The following NREP variants were observed in gnomAD, a reference collection of about 807,000 sequenced individuals.
NREP encodes the protein neuronal regeneration related protein, also known as neuronal regeneration-related protein.
In NREP, 5 loss-of-function variants were observed where a neutral mutation model predicts 8.6. That is an observed-to-expected ratio of 0.58 (90% CI 0.30 to 1.22). NREP has a LOEUF of 1.22. NREP is among the 50% of genes most tolerant of loss of function. NREP has a pLI of 0.07. For missense variants in NREP, 86 were observed against 82.5 expected (o/e 1.04, Z -0.17); for synonymous variants, 27 against 28.0 (o/e 0.96, Z 0.11).
intron 2 of NREP, among the ~76,000 whole-genome samples, chr5:111,834,174 T>C (rs1450566514): frequency 3.9e-5 from 6 of 152,206 alleles, no homozygotes; most frequent in African/African-American, 1.4e-4. Context: ...GCTATTGCCA[T>C]GAGTAATTAA....
intron 2 of NREP, among the ~76,000 whole-genome samples, chr5:111,864,181 A>G (rs1753614589): frequency 6.6e-6 from 1 of 152,286 alleles, no homozygotes; most frequent in East Asian, 1.9e-4. Context: ...TTGTAAGCAC[A>G]AAAGATTGGA....
intron 2 of NREP, among the ~76,000 whole-genome samples, chr5:111,875,358 A>T (rs1050211123): frequency 3.9e-5 from 6 of 152,028 alleles, no homozygotes; most frequent in Admixed American, 1.3e-4. Context: ...TCAATTAATT[A>T]AAAAAAACTA....
At chr5:111,735,609 T>C (rs1369189775) in intron 2 of NREP, 102 bp from the exon 3 acceptor site, 11 of 762,282 alleles carry the variant, frequency 1.4e-5, no homozygotes, top group Non-Finnish European at 2.4e-5. Flanking sequence ...AATGGTTACT[T>C]ATTCCCGACT....
At chr5:111,935,966 G>A (rs1458584188) in intron 2 of NREP, among the ~76,000 whole-genome samples, 1 of 152,070 alleles carries the variant, frequency 6.6e-6, no homozygotes, top group Non-Finnish European at 1.5e-5. Flanking sequence ...AAGGCTCTAG[G>A]AGGGAATGCT....
intron 2 of NREP, among the ~76,000 whole-genome samples, chr5:111,886,563 G>A (rs929878042): frequency 3.3e-5 from 5 of 151,128 alleles, no homozygotes; most frequent in African/African-American, 9.8e-5. Flanking sequence ...CAAAGACTTG[G>A]AACCAACCCA....
chr5:111,824,958 G>A (rs928354060), intron 2 of NREP, among the ~76,000 whole-genome samples: 2 of 152,136 alleles, frequency 1.3e-5, no homozygotes, highest in African/African-American at 2.4e-5. Flanking sequence ...TATCGTCTAT[G>A]TTGTTATGTG....
At chr5:111,767,676 T>C (rs1306775957) in intron 2 of NREP, among the ~76,000 whole-genome samples, 2 of 152,138 alleles carry the variant, frequency 1.3e-5, no homozygotes, top group African/African-American at 4.8e-5. Context: ...TGTTTGTTTT[T>C]TTGTTTTGAG....
upstream of NREP, chr5:111,758,116 C>G (rs1750852867): frequency 1.0e-6 from 1 of 985,482 alleles, no homozygotes; most frequent in Non-Finnish European, 1.2e-6. Context: ...CGGGTCGGAC[C>G]CTGCCCCTCA....
intron 2 of NREP, among the ~76,000 whole-genome samples, chr5:111,764,994 A>G (rs1219717203): frequency 6.6e-6 from 1 of 152,142 alleles, no homozygotes; most frequent in Non-Finnish European, 1.5e-5. Context: ...GGTAGAAAAA[A>G]ATGAAGGCCG....
intron 3 of NREP, chr5:111,734,207 C>T (rs1322409814): frequency 6.5e-6 from 1 of 152,902 alleles, no homozygotes; most frequent in Non-Finnish European, 1.5e-5. Flanking sequence ...GAGAGAGGAC[C>T]TCTGGATGCC....
chr5:111,896,524 A>G (rs1428438280), intron 2 of NREP, among the ~76,000 whole-genome samples: 2 of 152,198 alleles, frequency 1.3e-5, no homozygotes, highest in African/African-American at 4.8e-5. Context: ...TACACCATAT[A>G]AAAACGACTA....
intron 2 of NREP, among the ~76,000 whole-genome samples, chr5:111,885,243 A>C (rs1283743963): frequency 1.3e-5 from 2 of 151,540 alleles, no homozygotes; most frequent in Non-Finnish European, 2.9e-5. Context: ...AAAGAGAATA[A>C]AATACCTAGG....
At chr5:111,744,422 A>C (rs1418917650) in intron 2 of NREP, among the ~76,000 whole-genome samples, 1 of 152,160 alleles carries the variant, frequency 6.6e-6, no homozygotes, top group Non-Finnish European at 1.5e-5. Flanking sequence ...AAGAATTCTG[A>C]CTTTTTTTTA....
At chr5:111,943,991 TGA>T (rs1459304386) in intron 2 of NREP, among the ~76,000 whole-genome samples, 6 of 152,132 alleles carry the variant, frequency 3.9e-5, no homozygotes, top group Non-Finnish European at 7.4e-5. Flanking sequence ...TTTCTTCTAT[TGA>T]GAGAGCTGAT....
At chr5:111,798,911 A>G (rs548845267) in intron 2 of NREP, among the ~76,000 whole-genome samples, 33 of 152,238 alleles carry the variant, frequency 2.2e-4, no homozygotes, top group African/African-American at 7.2e-4. Context: ...TTTTTTGTAT[A>G]ATAACTTCTT....
At chr5:111,877,826 C>T (rs1486849634) in intron 2 of NREP, among the ~76,000 whole-genome samples, 1 of 98,088 alleles carries the variant, frequency 1.0e-5, no homozygotes, top group African/African-American at 7.8e-5. Context: ...GAAGCTCAGA[C>T]AGACCAAGTT....
intron 2 of NREP, among the ~76,000 whole-genome samples, chr5:111,753,083 G>A (rs1750464406): frequency 6.6e-6 from 1 of 151,650 alleles, no homozygotes; most frequent in Non-Finnish European, 1.5e-5. Context: ...AACTGTGGGG[G>A]TGGGAGAGGC....
chr5:111,867,459 C>G (rs1207153764), intron 2 of NREP, among the ~76,000 whole-genome samples: 1 of 152,128 alleles, frequency 6.6e-6, no homozygotes, highest in Non-Finnish European at 1.5e-5. Context: ...GCCACCAATG[C>G]TGTTGGATTA....
intron 2 of NREP, among the ~76,000 whole-genome samples, chr5:111,943,554 C>T (rs1298122322): frequency 1.3e-5 from 2 of 152,110 alleles, no homozygotes; most frequent in Non-Finnish European, 2.9e-5. Context: ...CGATGTCCCA[C>T]TGCACTGCGA....
Sources: gnomAD v4.1 joint callset for allele counts (sites outside exome capture counted in the v4.1 genomes callset) on GRCh38, gnomAD v4.1.1 for gene constraint, MANE v1.5 for transcripts, NCBI Gene and HGNC (gene_info 2026-07-23, HGNC 2026-07-21) for gene names.